Variants in PRKRIP1 observed in about 807,000 individuals in gnomAD.
PRKRIP1 encodes the protein PRKR interacting protein 1.
A neutral mutation model predicts 29.3 loss-of-function variants in PRKRIP1; 29 were observed. The observed-to-expected ratio is 0.99, with a 90% CI of 0.74 to 1.35. The LOEUF (loss-of-function observed/expected upper bound fraction) is 1.35, where lower values mean the gene tolerates loss of function less well. Ranked by LOEUF, PRKRIP1 falls within the 40% of genes most tolerant of loss-of-function variation. The pLI is 0.00. For synonymous variants in PRKRIP1, 90 were observed against 85.1 expected (o/e 1.06, Z -0.32); for missense variants, 247 against 236.8 (o/e 1.04, Z -0.28).
intron 5 of PRKRIP1, among the ~76,000 whole-genome samples, chr7:102,422,299 C>T (rs1174457540): frequency 1.3e-5 from 2 of 151,386 alleles, no homozygotes; most frequent in Non-Finnish European, 2.9e-5. Context: ...TTCAGCCTCC[C>T]AATTAGCTGG....
chr7:102,421,261 A>G (rs1033249927), intron 5 of PRKRIP1, among the ~76,000 whole-genome samples: 6 of 152,180 alleles, frequency 3.9e-5, no homozygotes, highest in African/African-American at 1.4e-4. Context: ...TTGAAAAATG[A>G]GGCTGGGCAC....
chr7:102,405,995 A>G, intron 4 of PRKRIP1: 1 of 264,162 alleles, frequency 3.8e-6, no homozygotes, highest in Non-Finnish European at 7.6e-6. Flanking sequence ...AAGAAGTGGT[A>G]GTCGGTTGGC....
intron 5 of PRKRIP1, among the ~76,000 whole-genome samples, chr7:102,413,745 A>G (rs1388715845): frequency 6.6e-6 from 1 of 152,312 alleles, no homozygotes; most frequent in Non-Finnish European, 1.5e-5. Context: ...ATCATGTAAC[A>G]TTGTATCACA....
At position 102,396,403 on chromosome 7, in the gene PRKRIP1, A is replaced by G. The variant is rs1554570305; in HGVS notation, c.-9A>G. The G allele has an allele frequency of 1.3e-6, 2 of 1,547,002 alleles. No homozygotes were observed. Among genetic ancestry groups the G allele is most frequent in the South Asian group, 1.2e-5 (1 of 85,466 alleles). ...CGCCGCCGCTCGCTTGTGAAACTGG[A>G]AGGCTGCCATGGCTAGCCCAGCCGC... On this transcript the variant is annotated 5_prime_UTR_variant, in exon 1 of 6. Coordinates refer to ENST00000397912, the MANE Select transcript of PRKRIP1 (RefSeq NM_024653.4).
chr7:102,399,744 C>A, intron 3 of PRKRIP1, 96 bp downstream of exon 3: 3 of 966,772 alleles, frequency 3.1e-6, no homozygotes, highest in Non-Finnish European at 4.8e-6. Context: ...GGCGTGGTGG[C>A]TCAGGCCTGT....
intron 5 of PRKRIP1, among the ~76,000 whole-genome samples, chr7:102,409,410 GA>G (rs1439711624): frequency 1.3e-5 from 2 of 152,120 alleles, no homozygotes; most frequent in Admixed American, 1.3e-4. Flanking sequence ...GCCCAAGTAG[GA>G]GGATTGGGCA....
chr7:102,414,092 T>C (rs1467894058), intron 5 of PRKRIP1, among the ~76,000 whole-genome samples: 1 of 152,062 alleles, frequency 6.6e-6, no homozygotes, highest in Non-Finnish European at 1.5e-5. Context: ...CCGGGCATAA[T>C]AGCGTGTACC....
intron 5 of PRKRIP1, among the ~76,000 whole-genome samples, chr7:102,422,197 C>T (rs969497226): frequency 6.9e-5 from 10 of 144,482 alleles, no homozygotes; most frequent in African/African-American, 2.3e-4. Context: ...TTATCAGAGA[C>T]GGATTCTAGC....
At chr7:102,409,767 T>TGAGCCATGATTGTGCCACTGCACTGCAGC (rs1796329807) in intron 5 of PRKRIP1, among the ~76,000 whole-genome samples, 1 of 152,036 alleles carries the variant, frequency 6.6e-6, no homozygotes, top group Non-Finnish European at 1.5e-5. Flanking sequence ...AAGGCTGCAG[T>TGAGCCATGATTGTGCCACTGCACTGCAGC]GAGCCATGAT....
chr7:102,415,103 C>T (rs1238943876), intron 5 of PRKRIP1, among the ~76,000 whole-genome samples: 1 of 152,144 alleles, frequency 6.6e-6, no homozygotes, highest in African/African-American at 2.4e-5. Flanking sequence ...GAATGGGGCA[C>T]ATGAGAGCCA....
intron 5 of PRKRIP1, chr7:102,423,171 G>A (rs782811041): frequency 1.1e-5 from 5 of 449,816 alleles, no homozygotes; most frequent in South Asian, 7.8e-5. Context: ...CTGGAGTGCA[G>A]TGGCGCTATC....
At chr7:102,402,575 C>T (rs782686469) in intron 3 of PRKRIP1, among the ~76,000 whole-genome samples, 2 of 152,068 alleles carry the variant, frequency 1.3e-5, no homozygotes, top group Non-Finnish European at 2.9e-5. Flanking sequence ...ACTATAAATT[C>T]GTCTGAAGTT....
intron 3 of PRKRIP1, among the ~76,000 whole-genome samples, chr7:102,402,024 CTT>C (rs1796087547): frequency 6.6e-6 from 1 of 152,168 alleles, no homozygotes; most frequent in Non-Finnish European, 1.5e-5. Flanking sequence ...GGTGGTTCTT[CTT>C]GTTTCTGCCA....
intron 5 of PRKRIP1, among the ~76,000 whole-genome samples, chr7:102,417,140 C>T (rs1451769669): frequency 6.6e-6 from 1 of 152,036 alleles, no homozygotes; most frequent in African/African-American, 2.4e-5. Flanking sequence ...CATGTGTGAG[C>T]CACCACACCT....
At chr7:102,419,843 TTTTGTG>T (rs1175485452) in intron 5 of PRKRIP1, among the ~76,000 whole-genome samples, 312 of 133,652 alleles carry the variant, frequency 2.3e-3, no homozygotes, top group Middle Eastern at 7.3e-3. Flanking sequence ...TTTTTTGTGT[TTTTGTG>T]TGTGTGTGTG....
chr7:102,416,381 A>G (rs1554573113), intron 5 of PRKRIP1, among the ~76,000 whole-genome samples: 1 of 152,222 alleles, frequency 6.6e-6, no homozygotes, highest in East Asian at 1.9e-4. Context: ...TGAAGTCCAT[A>G]CATTATTCCA....
At chr7:102,399,734 G>C in intron 3 of PRKRIP1, 86 bp downstream of exon 3, 1 of 1,077,182 alleles carries the variant, frequency 9.3e-7, no homozygotes, top group South Asian at 1.3e-5. Context: ...GAAGAGGCTG[G>C]GCGTGGTGGC....
intron 5 of PRKRIP1, among the ~76,000 whole-genome samples, chr7:102,424,429 G>A (rs10277996): frequency 1.3e-5 from 2 of 152,330 alleles, no homozygotes; most frequent in East Asian, 1.9e-4. Context: ...CGCGTGAAGA[G>A]GGGGAGGGGA....
At chr7:102,397,577 C>T in intron 1 of PRKRIP1, 43 bp from the exon 2 acceptor site, 1 of 1,515,034 alleles carries the variant, frequency 6.6e-7, no homozygotes, top group Non-Finnish European at 9.2e-7. Context: ...ATAATTTTGT[C>T]AACAGGTTTA....
Sources: gnomAD v4.1 joint callset for allele counts (sites outside exome capture counted in the v4.1 genomes callset) on GRCh38, gnomAD v4.1.1 for gene constraint, MANE v1.5 for transcripts, NCBI Gene and HGNC (gene_info 2026-07-23, HGNC 2026-07-21) for gene names.